The following WRN variants were observed in gnomAD, a reference collection of about 807,000 sequenced individuals.
The protein encoded by WRN is WRN RecQ like helicase.
WRN carries 149 observed loss-of-function variants against 180.7 expected under a neutral mutation model. The ratio of observed to expected loss-of-function variants is 0.82; its 90% CI spans 0.72 to 0.94. The LOEUF is 0.94. Ranked by LOEUF, WRN falls within the 40% of genes least tolerant of loss-of-function variation. The pLI is 0.00. For missense variants in WRN, 1,661 were observed against 1,700.1 expected, an observed-to-expected ratio of 0.98 and a Z score of 0.40; for synonymous variants, 548 against 568.9, an observed-to-expected ratio of 0.96 and a Z score of 0.52.
Position 31,067,062 on chromosome 8 carries a change from C to T in WRN, c.534C>T (p.Asn178=). 1 of 1,613,928 alleles carries T rather than the reference C, an allele frequency of 6.2e-7. No individual in the cohort carries two copies. The highest frequency in any genetic ancestry group is 8.5e-7 in the Non-Finnish European group (1 of 1,179,956). Reference sequence around the variant, plus strand: ...AATGCACAGAGACCTGGAGCCTTAACAGTCTGGTTAAACACCTCTTAGGTA... The same window carrying T: ...AATGCACAGAGACCTGGAGCCTTAATAGTCTGGTTAAACACCTCTTAGGTA... ...KLKCTETWSL[N]SLVKHLLGKQ... The change falls in exon 6 of 35, where the codon AAC becomes AAT. Residue 178 remains asparagine, a synonymous_variant. Transcript: ENST00000298139.
chr8:31,142,581 C>T (rs1337264502), intron 26 of WRN, 45 bp from the exon 27 acceptor site: 5 of 1,413,550 alleles, frequency 3.5e-6, no homozygotes, highest in Non-Finnish European at 4.9e-6. Flanking sequence ...GAATTAGATA[C>T]TTGCATCTTA....
chr8:31,066,432 T>A (rs948153107), intron 5 of WRN, among the ~76,000 whole-genome samples: 1 of 152,118 alleles, frequency 6.6e-6, no homozygotes, highest in Admixed American at 6.5e-5. Context: ...ATGATCCACC[T>A]GCCTCGGTCT....
Position 31,174,844 on chromosome 8 carries a change from C to CCTCCCTCCCTCT in WRN, c.*1750_*1751insCTCTCTCCCTCC, listed in dbSNP as rs1804228792. On this transcript the variant is annotated 3_prime_UTR_variant, in exon 35 of 35. Coordinates refer to ENST00000298139, the MANE Select transcript of WRN (RefSeq NM_000553.6). ...TCCTCCCTCCCTCCCTCCCTCCCTC[C>CCTCCCTCCCTCT]CTCCCTCCTTTCTTTTTCTTTCTCT... Among the ~76,000 whole-genome samples the CCTCCCTCCCTCT allele has an allele frequency of 1.5e-5, 2 of 137,624 alleles. No individual in the cohort carries two copies. The highest frequency in any genetic ancestry group is 7.3e-5 in the Admixed American group (1 of 13,656). The allele number at this position is 137,624 out of a possible 152,430, so 90.3% of individuals were successfully genotyped here. A position where few individuals can be genotyped will look rare whatever the true frequency, so the allele number is the denominator to read the frequency against.
chr8:31,130,868 A>C (rs1171243228), intron 23 of WRN, among the ~76,000 whole-genome samples: 1 of 152,202 alleles, frequency 6.6e-6, no homozygotes, highest in Non-Finnish European at 1.5e-5. Context: ...TGCTAAAACT[A>C]TGACAGCAAA....
chr8:31,079,074 A>T (rs969813574), intron 8 of WRN, among the ~76,000 whole-genome samples: 1 of 152,222 alleles, frequency 6.6e-6, no homozygotes. Context: ...ATATAAAGCT[A>T]AAAGTTCTTT....
rs2130179664 is a variant in WRN at position 31,092,000 on chromosome 8, A to G, written c.1898+102A>G. ...ACATGTTGCTGAGGAAGTTGTGAGT[A>G]ATTTATGTCATTTCTAATCATGTGG... On this transcript the variant is annotated intron_variant, in intron 16 of 34. Coordinates refer to ENST00000298139, the MANE Select transcript of WRN (RefSeq NM_000553.6). The G allele has an allele frequency of 3.8e-6, 4 of 1,060,186 alleles. No individual in the cohort carries two copies. In the South Asian group the frequency reaches 4.0e-5, roughly 11 times the overall value. The allele number at this position is 1,060,186 out of a possible 1,614,324, so 65.7% of individuals were successfully genotyped here. A position where few individuals can be genotyped will look rare whatever the true frequency, so the allele number is the denominator to read the frequency against.
intron 24 of WRN, among the ~76,000 whole-genome samples, chr8:31,137,799 G>A (rs1440674939): frequency 2.6e-5 from 4 of 152,012 alleles, no homozygotes; most frequent in Non-Finnish European, 4.4e-5. Context: ...GAGTGCTTGT[G>A]CATGCGTGTG....
intron 18 of WRN, among the ~76,000 whole-genome samples, chr8:31,101,778 ACT>A (rs1490014039): frequency 2.3e-5 from 3 of 131,072 alleles, no homozygotes; most frequent in Admixed American, 8.5e-5. Context: ...CAAGAGCGAA[ACT>A]CTGTCTCAAA....
intron 1 of WRN, among the ~76,000 whole-genome samples, chr8:31,044,470 C>T (rs1811781596): frequency 6.7e-6 from 1 of 150,126 alleles, no homozygotes; most frequent in Non-Finnish European, 1.5e-5. Context: ...GATTCTCCTG[C>T]CTCAGCCTCC....
chr8:31,067,076 A>C lies in WRN; in HGVS notation c.548A>C (p.His183Pro), dbSNP rs746210769. The C allele has an allele frequency of 6.2e-7, 1 of 1,613,966 alleles. No homozygotes were observed. ...ETWSLNSLVK[H>P]LLGKQLLKDK... is the part of the protein sequence containing the mutation. ...TGGAGCCTTAACAGTCTGGTTAAAC[A>C]CCTCTTAGGTAAACAGCTCCTGAAA... Residue 183 changes from histidine (H) to proline (P), a missense_variant, in exon 6 of 35, where the codon CAC (histidine) becomes CCC (proline). Physicochemically the swap from His to Pro is moderately conservative, Grantham distance 77 (BLOSUM62 -2). Transcript: ENST00000298139.
chr8:31,146,993 T>C (rs991135058), intron 28 of WRN, 60 bp from the exon 29 acceptor site: 2 of 1,402,198 alleles, frequency 1.4e-6, no homozygotes, highest in African/African-American at 2.9e-5. Context: ...GGGGATGAAA[T>C]AGAAAGTCAA....
chr8:31,129,500 A>C (rs1179588494), intron 23 of WRN, among the ~76,000 whole-genome samples: 2 of 152,170 alleles, frequency 1.3e-5, no homozygotes, highest in Non-Finnish European at 2.9e-5. Flanking sequence ...TTCTCACCAC[A>C]TTTTCTGACC....
intron 33 of WRN, among the ~76,000 whole-genome samples, chr8:31,162,384 C>T (rs1342227827): frequency 7.2e-5 from 11 of 152,174 alleles, no homozygotes. Flanking sequence ...TCACTATCTT[C>T]CACCTCCACA....
rs73670550 is a variant in WRN, at chr8:31,084,589, A to G, written c.1351-577A>G. 4.2e-3 allele frequency among the ~76,000 whole-genome samples: 634 copies of G among 152,216 alleles called. 5 individuals carry two copies. The highest frequency in any genetic ancestry group is 0.015 in the African/African-American group (604 of 41,528). ...TGTGGGGGATCCCATCTTGTTGGAC[A>G]CTTGGTTCCTGGAGATTGCCAAATT... is the stretch of plus-strand genomic sequence containing the variant. On this transcript the variant is annotated intron_variant, in intron 10 of 34. Coordinates refer to ENST00000298139, the MANE Select transcript of WRN (RefSeq NM_000553.6).
chr8:31,034,500 G>A lies in WRN; in HGVS notation c.-77+527G>A, dbSNP rs543976637. On this transcript the variant is annotated intron_variant, in intron 1 of 34. Coordinates refer to ENST00000298139, the MANE Select transcript of WRN (RefSeq NM_000553.6). ...ATATAATTCTTAGGATGCTAATACA[G>A]GAGTCTGTAAGTCGGAGTACTTCAG... Among the ~76,000 whole-genome samples the A allele has an allele frequency of 3.3e-5, 5 of 152,270 alleles. No individual in the cohort carries two copies. In the East Asian group the frequency reaches 9.6e-4, roughly 29 times the overall value.
At chr8:31,109,670 C>G (rs1379822812) in intron 18 of WRN, among the ~76,000 whole-genome samples, 1 of 152,136 alleles carries the variant, frequency 6.6e-6, no homozygotes, top group Admixed American at 6.5e-5. Context: ...GCATTATGTT[C>G]AGCACTTTAC....
At chr8:31,077,007 A>G (rs1454415603) in intron 8 of WRN, among the ~76,000 whole-genome samples, 1 of 152,204 alleles carries the variant, frequency 6.6e-6, no homozygotes, top group Non-Finnish European at 1.5e-5. Flanking sequence ...GAATGTGGTA[A>G]TGTAATTTTG....
intron 8 of WRN, among the ~76,000 whole-genome samples, chr8:31,077,518 A>C (rs1287987935): frequency 6.6e-6 from 1 of 152,194 alleles, no homozygotes; most frequent in Admixed American, 6.5e-5. Flanking sequence ...CTGGGATTAC[A>C]GGCGTTAGCC....
intron 23 of WRN, chr8:31,131,750 G>A (rs1802182906): frequency 6.5e-6 from 1 of 153,030 alleles, no homozygotes; most frequent in African/African-American, 2.4e-5. Flanking sequence ...CACAGTTTAA[G>A]ATGAACCTTC....
Sources: allele counts gnomAD v4.1 joint callset (sites outside exome capture counted in the v4.1 genomes callset), GRCh38; gene constraint gnomAD v4.1.1; transcripts MANE v1.5; gene names NCBI Gene and HGNC (gene_info 2026-07-23, HGNC 2026-07-21).